TG: variants seen among roughly 807,000 people sequenced by gnomAD.
TG encodes the protein thyroid hormones.
A neutral mutation model predicts 324.7 loss-of-function variants in TG; 270 were observed. The ratio of observed to expected loss-of-function variants is 0.83; its 90% CI spans 0.75 to 0.92. The LOEUF (loss-of-function observed/expected upper bound fraction) is 0.92. TG is among the 40% of genes least tolerant of loss of function. The pLI, the probability that TG is intolerant of heterozygous loss-of-function variation, is 0.00. For missense variants in TG, 3,591 were observed against 3,456.4 expected (o/e 1.04, Z -0.98); for synonymous variants, 1,401 against 1,327.0 (o/e 1.06, Z -1.21).
intron 41 of TG, among the ~76,000 whole-genome samples, chr8:133,064,758 C>T (rs1842828755): frequency 6.6e-6 from 1 of 152,226 alleles, no homozygotes; most frequent in African/African-American, 2.4e-5. Context: ...TCTGCATTAT[C>T]TCATAAATCC....
At chr8:133,059,458 G>A (rs1641589889) in intron 41 of TG, among the ~76,000 whole-genome samples, 1 of 152,108 alleles carries the variant, frequency 6.6e-6, no homozygotes, top group African/African-American at 2.4e-5. Context: ...GTTGCTGAGG[G>A]ACTCTTTGTA....
Position 132,897,700 on chromosome 8 carries a change from C to A in TG, c.3053C>A (p.Ala1018Glu). 6.2e-7 allele frequency: 1 copy of A among 1,614,248 alleles called. No homozygotes were observed. The change falls in exon 12 of 48, where the codon GCA becomes GAA. Residue 1018 changes from alanine to glutamate, a missense_variant. By Grantham distance (107) the Ala-to-Glu change is moderately radical. Coordinates refer to ENST00000220616, the MANE Select transcript of TG (RefSeq NM_003235.5). ...TTTTCCCCGGACGACTCGGCTGGAG[C>A]ATCCGCCCTTCTGCGGTCGGGCCCC... ...RRFSPDDSAG[A>E]SALLRSGPYM...
At chr8:133,028,493 A>G (rs1836312829) in intron 40 of TG, among the ~76,000 whole-genome samples, 1 of 152,256 alleles carries the variant, frequency 6.6e-6, no homozygotes, top group Admixed American at 6.5e-5. Context: ...CATCAGCAAC[A>G]TAATGTTAGA....
In TG at chr8:132,989,386, G is replaced by T. The variant is rs117102478; in HGVS notation, c.6262+5974G>T. Among the ~76,000 whole-genome samples, 624 of 152,312 alleles carry T rather than the reference G, an allele frequency of 4.1e-3. 2 individuals carry two copies. The highest frequency in any genetic ancestry group is 6.1e-3 in the Non-Finnish European group (415 of 68,028). ...CATGAATACTTCAACATACCATTTG[G>T]AAAATGCTCCCGCCATTGACTTTGA... On this transcript the variant is annotated intron_variant, in intron 35 of 47. Transcript: ENST00000220616.
chr8:133,088,576 A>G (rs1363576882), intron 41 of TG, among the ~76,000 whole-genome samples: 2 of 152,178 alleles, frequency 1.3e-5, no homozygotes, highest in Non-Finnish European at 2.9e-5. Context: ...ATGTGAATAA[A>G]TGATGTGGCC....
In TG at chr8:132,967,823, C is replaced by T. The variant is rs745473655; in HGVS notation, c.5716C>T (p.Leu1906Phe). 3 of 1,613,958 alleles carry T rather than the reference C, an allele frequency of 1.9e-6. No homozygotes were observed. The highest frequency in any genetic ancestry group is 1.3e-5 in the African/African-American group (1 of 75,026). The stretch of plus-strand genomic sequence containing the variant: ...TGTGCAGGAGCACTCTTTCTGTCAG[C>T]TCGCAGAGATAACAGAGAGTGCATC... ...RCVQEHSFCQ[L>F]AEITESASLY... The change falls in exon 31 of 48, where the codon CTC (leucine) becomes TTC (phenylalanine). Residue 1906 changes from leucine to phenylalanine, a missense_variant. Transcript: ENST00000220616.
chr8:132,954,406 G>A (rs955880141), intron 27 of TG, among the ~76,000 whole-genome samples: 1 of 152,174 alleles, frequency 6.6e-6, no homozygotes, highest in Non-Finnish European at 1.5e-5. Context: ...GGAAGGACAA[G>A]GAATATGAAC....
intron 41 of TG, among the ~76,000 whole-genome samples, chr8:133,072,429 G>A (rs1207531344): frequency 6.6e-6 from 1 of 152,178 alleles, no homozygotes; most frequent in East Asian, 1.9e-4. Flanking sequence ...TGCAGGAAGA[G>A]AGGGATAGAT....
rs138918579 is a variant in TG at position 133,090,242 on chromosome 8, G to A, written c.7240-4802G>A. On this transcript the variant is annotated intron_variant, in intron 41 of 47. Coordinates refer to ENST00000220616, the MANE Select transcript of TG (RefSeq NM_003235.5). ...TAGTCACGTTTCTAGAGGCCCAGTG[G>A]TCTGGTGAGGGCTTAGAAGTCACAC... The A allele has an allele frequency of 7.8e-4, 119 of 152,360 alleles. 1 individual carries two copies. The highest frequency in any genetic ancestry group is 2.7e-3 in the African/African-American group (112 of 41,578). 9.4% of individuals were successfully genotyped at this position (152,360 alleles called of 1,614,324 possible). A position where few individuals can be genotyped will look rare whatever the true frequency, so the allele number is the denominator to read the frequency against.
At chr8:132,914,226 A>G (rs1254488875) in intron 20 of TG, among the ~76,000 whole-genome samples, 1 of 152,218 alleles carries the variant, frequency 6.6e-6, no homozygotes, top group Admixed American at 6.5e-5. Flanking sequence ...TGGGATATGG[A>G]TATCTTTGGG....
chr8:132,871,534 T>C lies in TG; in HGVS notation c.461T>C (p.Leu154Pro). ...EGMEVYGTRQ[L>P]GRPKRCPRSC... ...ATGGAGGTGTATGGGACCCGCCAGC[T>C]GGGGAGGCCAAAGCGATGTGAGTTT... Residue 154 changes from leucine (L) to proline (P), a missense_variant, in exon 4 of 48, where the codon CTG becomes CCG. Physicochemically the swap from Leu to Pro is moderately conservative, Grantham distance 98. Transcript: ENST00000220616. 4 of 1,613,886 alleles carry C rather than the reference T, an allele frequency of 2.5e-6. No individual in the cohort carries two copies. Among genetic ancestry groups the C allele is most frequent in the Non-Finnish European group, 3.4e-6 (4 of 1,179,828 alleles).
At chr8:133,109,299 A>C (rs73708866) in intron 43 of TG, among the ~76,000 whole-genome samples, 4,097 of 152,272 alleles carry the variant, frequency 0.027, 176 homozygotes, top group African/African-American at 0.094. Flanking sequence ...GCTGAGTCAG[A>C]ATCTGTATTT....
chr8:133,121,291 T>C (rs746981314), intron 45 of TG, among the ~76,000 whole-genome samples: 13 of 152,182 alleles, frequency 8.5e-5, no homozygotes, highest in Non-Finnish European at 1.8e-4. Context: ...GCACCGATTC[T>C]TCACTGGGTT....
intron 46 of TG, among the ~76,000 whole-genome samples, chr8:133,132,524 C>T (rs1216673256): frequency 1.3e-5 from 2 of 152,160 alleles, no homozygotes; most frequent in Non-Finnish European, 2.9e-5. Flanking sequence ...ACTCGCTGTC[C>T]CCACCTGCAG....
chr8:132,905,484 T>A (rs965933471), intron 16 of TG, among the ~76,000 whole-genome samples: 5 of 152,236 alleles, frequency 3.3e-5, no homozygotes, highest in Non-Finnish European at 7.3e-5. Context: ...TCCTTACAGA[T>A]TGCAGATGTT....
chr8:132,882,635 T>C (rs1470311849), intron 7 of TG, 23 bp downstream of exon 7: 34 of 1,614,092 alleles, frequency 2.1e-5, no homozygotes, highest in Non-Finnish European at 2.9e-5. Flanking sequence ...CTGCCAACAA[T>C]GTGCGTGTTT....
At chr8:132,933,129 C>T (rs1352768831) in intron 23 of TG, among the ~76,000 whole-genome samples, 4 of 132,392 alleles carry the variant, frequency 3.0e-5, no homozygotes, top group Non-Finnish European at 4.8e-5. Flanking sequence ...GTTCATGGTA[C>T]GTACTTAATA....
At chr8:133,102,955 G>A (rs1459719856) in intron 43 of TG, 2 of 252,552 alleles carry the variant, frequency 7.9e-6, no homozygotes, top group East Asian at 2.1e-4. Flanking sequence ...GCAGCACCTG[G>A]CAGCCCGAGG....
chr8:132,909,005 A>G (rs1330097711), intron 18 of TG, among the ~76,000 whole-genome samples: 2 of 152,218 alleles, frequency 1.3e-5, no homozygotes, highest in East Asian at 3.8e-4. Flanking sequence ...TGAGCAGAGC[A>G]AAAGAGGGAA....
Sources: gnomAD v4.1 joint callset for allele counts (sites outside exome capture counted in the v4.1 genomes callset) on GRCh38, gnomAD v4.1.1 for gene constraint, MANE v1.5 for transcripts, NCBI Gene and HGNC (gene_info 2026-07-23, HGNC 2026-07-21) for gene names.